Variants in METAP2 observed in about 807,000 individuals in gnomAD.
METAP2 encodes the protein methionyl aminopeptidase 2, also known as methionine aminopeptidase 2.
METAP2 carries 25 observed loss-of-function variants against 59.4 expected under a neutral mutation model. That is an observed-to-expected ratio of 0.42 (90% CI 0.31 to 0.59). METAP2 has a LOEUF of 0.59. Ranked by LOEUF, METAP2 falls within the 20% of genes least tolerant of loss-of-function variation. The pLI, the probability that METAP2 is intolerant of heterozygous loss-of-function variation, is 0.16. For synonymous variants in METAP2, 214 were observed against 194.1 expected, an observed-to-expected ratio of 1.10 and a Z score of -0.85; for missense variants, 366 against 581.2, an observed-to-expected ratio of 0.63 and a Z score of 3.81.
Position 95,494,105 on chromosome 12 carries a change from C to A in METAP2, c.478C>A (p.Gln160Lys), listed in dbSNP as rs760189259. The A allele has an allele frequency of 6.2e-7, 1 of 1,613,936 alleles. No homozygotes were observed. The highest frequency in any genetic ancestry group is 2.2e-5 in the East Asian group (1 of 44,856). The part of the protein sequence containing the change: ...TTSEEKKALD[Q>K]ASEEIWNDFR... Reference sequence around the variant, plus strand: ...AAGTGAAGAAAAGAAAGCATTAGATCAGGCAAGTGAAGAGATTTGGAATGA... The same window carrying A: ...AAGTGAAGAAAAGAAAGCATTAGATAAGGCAAGTGAAGAGATTTGGAATGA... Residue 160 changes from glutamine to lysine, a missense_variant, in exon 5 of 11, where the codon CAG becomes AAG. Gln to Lys is a moderately conservative substitution (Grantham distance 53). Around this residue, in one of 4 missense-constraint regions of METAP2, gnomAD observed 106 missense variants for 221.9 expected, o/e 0.48. Coordinates refer to ENST00000323666, the MANE Select transcript of METAP2 (RefSeq NM_006838.4).
chr12:95,494,816 A>G, intron 5 of METAP2, 141 bp from the exon 6 acceptor site: 2 of 547,092 alleles, frequency 3.7e-6, no homozygotes, highest in East Asian at 2.9e-5. Context: ...TTATTTATTT[A>G]TATTCAGAAA....
Position 95,514,114 on chromosome 12 carries a change from G to T in METAP2, c.*210G>T. 2 of 527,046 alleles carry T rather than the reference G, an allele frequency of 3.8e-6. No homozygotes were observed. The highest frequency in any genetic ancestry group is 6.4e-6 in the Non-Finnish European group (2 of 313,376). 32.6% of individuals were successfully genotyped at this position (527,046 alleles called of 1,614,324 possible). ...CTTTCCGGACTTTTAAATGCTAACT[G>T]TTTTTCCCCTTCCTGTCTAGGAAAA... On this transcript the variant is annotated 3_prime_UTR_variant, in exon 11 of 11. Transcript: ENST00000323666.
rs1565788873 is a variant in METAP2, at chr12:95,514,556, G to A, written c.*652G>A. 1 of 152,154 alleles carries A rather than the reference G, an allele frequency of 6.6e-6. No homozygotes were observed. Among genetic ancestry groups the A allele is most frequent in the Non-Finnish European group, 1.5e-5 (1 of 68,012 alleles). 9.4% of individuals were successfully genotyped at this position (152,154 alleles called of 1,614,324 possible). On this transcript the variant is annotated 3_prime_UTR_variant, in exon 11 of 11. Transcript: ENST00000323666. ...CTTTAGGAATATTTCACCATTCTTT[G>A]TAGGACATAGTAGTCCTTGTCTTTT... is the stretch of plus-strand genomic sequence containing the variant.
chr12:95,496,986 G>A (rs980685177), intron 7 of METAP2, among the ~76,000 whole-genome samples: 15 of 151,562 alleles, frequency 9.9e-5, no homozygotes, highest in African/African-American at 3.2e-4. Flanking sequence ...AACCACTCCC[G>A]GCTGATTTTT....
chr12:95,476,541 A>AGAG (rs2076121221), intron 2 of METAP2, among the ~76,000 whole-genome samples: 1 of 148,960 alleles, frequency 6.7e-6, no homozygotes. Context: ...AAAGAAAGAA[A>AGAG]AGCTAGAAAA....
intron 8 of METAP2, among the ~76,000 whole-genome samples, chr12:95,511,619 T>G (rs1166726197): frequency 6.6e-6 from 1 of 152,116 alleles, no homozygotes; most frequent in East Asian, 1.9e-4. Flanking sequence ...CTCGAACTCC[T>G]GACCTCAGGT....
chr12:95,485,189 G>T (rs1298763017), intron 3 of METAP2, among the ~76,000 whole-genome samples: 1 of 152,200 alleles, frequency 6.6e-6, no homozygotes, highest in Non-Finnish European at 1.5e-5. Flanking sequence ...TGAGGAAACT[G>T]AGGATTGGTA....
At chr12:95,496,821 CTTTT>C (rs777002045) in intron 7 of METAP2, among the ~76,000 whole-genome samples, 1 of 100,934 alleles carries the variant, frequency 9.9e-6, no homozygotes. Context: ...CTTTTTCTTT[CTTTT>C]TTTTTTTTTT....
intron 2 of METAP2, among the ~76,000 whole-genome samples, chr12:95,479,134 G>A (rs2076141288): frequency 6.6e-6 from 1 of 152,294 alleles, no homozygotes; most frequent in Admixed American, 6.5e-5. Context: ...ATACAGGGTT[G>A]TTTAGAGGAG....
chr12:95,497,365 G>A (rs2076283159), intron 7 of METAP2, among the ~76,000 whole-genome samples: 1 of 152,078 alleles, frequency 6.6e-6, no homozygotes, highest in Non-Finnish European at 1.5e-5. Flanking sequence ...ATTTCACTTA[G>A]CACAATGTAC....
intron 2 of METAP2, among the ~76,000 whole-genome samples, chr12:95,477,040 G>A (rs1407120648): frequency 6.6e-6 from 1 of 152,116 alleles, no homozygotes; most frequent in Non-Finnish European, 1.5e-5. Context: ...TAGCTAATAT[G>A]TGTAGAATAG....
chr12:95,488,772 T>G (rs547342554), intron 4 of METAP2, among the ~76,000 whole-genome samples: 65 of 152,252 alleles, frequency 4.3e-4, no homozygotes, highest in African/African-American at 1.5e-3. Context: ...TTCTGGATTA[T>G]TTACTCTGCT....
chr12:95,501,592 G>C (rs2076316179), intron 7 of METAP2, among the ~76,000 whole-genome samples: 2 of 152,016 alleles, frequency 1.3e-5, no homozygotes, highest in African/African-American at 4.8e-5. Flanking sequence ...GCATGCGCCT[G>C]TAGTCCCAGC....
chr12:95,483,205 CTT>C lies in METAP2; in HGVS notation c.260-7_260-6del. The C allele has an allele frequency of 6.2e-7, 1 of 1,608,190 alleles. No homozygotes were observed. Among genetic ancestry groups the C allele is most frequent in the Non-Finnish European group, 8.5e-7 (1 of 1,174,668 alleles). On this transcript the variant is annotated splice_polypyrimidine_tract_variant and splice_region_variant and intron_variant, in intron 2 of 10. Transcript: ENST00000323666. ...TTAAATGAACATGTACTTGAAATGT[CTT>C]TTCTTAGATGGAGATGGCGATGGAG...
At chr12:95,511,345 C>T (rs1409778930) in intron 8 of METAP2, among the ~76,000 whole-genome samples, 1 of 148,296 alleles carries the variant, frequency 6.7e-6, no homozygotes, top group African/African-American at 2.5e-5. Flanking sequence ...CTCCCTTGTG[C>T]CCTTAATCCT....
intron 7 of METAP2, among the ~76,000 whole-genome samples, chr12:95,497,115 G>A (rs1229214707): frequency 2.6e-5 from 4 of 152,008 alleles, no homozygotes; most frequent in South Asian, 2.1e-4. Flanking sequence ...GTGATTCACC[G>A]CGCCTGGCCA....
intron 8 of METAP2, 82 bp downstream of exon 8, chr12:95,504,243 A>G (rs781590680): frequency 9.0e-6 from 8 of 890,758 alleles, no homozygotes; most frequent in Middle Eastern, 2.7e-4. Flanking sequence ...CAGCTGCTTC[A>G]TGTTTCTATC....
chr12:95,474,894 C>T (rs1317643354), intron 1 of METAP2, among the ~76,000 whole-genome samples: 2 of 152,104 alleles, frequency 1.3e-5, no homozygotes, highest in Non-Finnish European at 1.5e-5. Flanking sequence ...TCATTAATTG[C>T]AGAATTTGTG....
chr12:95,505,358 C>T (rs73231317), intron 8 of METAP2, among the ~76,000 whole-genome samples: 117 of 152,310 alleles, frequency 7.7e-4, no homozygotes, highest in Non-Finnish European at 8.7e-4. Flanking sequence ...GACAGTCTCT[C>T]GCTCTGTTGC....
Sources: gnomAD v4.1 joint callset for allele counts (sites outside exome capture counted in the v4.1 genomes callset) on GRCh38, gnomAD v4.1.1 for gene constraint, gnomAD v4.1.1 regional missense constraint, MANE v1.5 for transcripts, NCBI Gene and HGNC (gene_info 2026-07-23, HGNC 2026-07-21) for gene names.